CHSY3: variants seen among roughly 807,000 people sequenced by gnomAD.
CHSY3 encodes the protein N-acetylgalactosaminyl-proteoglycan 3-beta-glucuronosyltransferase 3.
CHSY3 carries 35 observed loss-of-function variants against 67.2 expected under a neutral mutation model. The observed-to-expected ratio is 0.52, with a 90% CI of 0.40 to 0.69. The LOEUF is 0.69. Ranked by LOEUF, CHSY3 falls within the 30% of genes least tolerant of loss-of-function variation. The pLI, the probability that CHSY3 is intolerant of heterozygous loss-of-function variation, is 0.00. For missense variants in CHSY3, 1,069 were observed against 1,138.5 expected (o/e 0.94, Z 0.88); for synonymous variants, 474 against 434.7 (o/e 1.09, Z -1.12).
chr5:130,172,325 CTT>C (rs148048268), intron 2 of CHSY3, among the ~76,000 whole-genome samples: 1 of 30,200 alleles, frequency 3.3e-5, no homozygotes. Flanking sequence ...CTTTTCTTTT[CTT>C]TTTTTTTTTT....
intron 2 of CHSY3, among the ~76,000 whole-genome samples, chr5:130,176,907 G>A (rs1770071268): frequency 6.6e-6 from 1 of 152,104 alleles, no homozygotes; most frequent in Non-Finnish European, 1.5e-5. Context: ...GGGTTGATGA[G>A]TGCAGCAAAC....
rs540506898 is a variant in CHSY3 at position 130,001,515 on chromosome 5, G to T, written c.1086+93155G>T. On this transcript the variant is annotated intron_variant, in intron 2 of 2. Transcript: ENST00000305031. ...GGTACCAAGATCTAGTGAAGGGCCT[G>T]GGATGAGAACCAAGATACGCAGGAC... is the stretch of plus-strand genomic sequence containing the variant. 23 of 961,770 alleles carry T rather than the reference G, an allele frequency of 2.4e-5. No homozygotes were observed. The African/African-American group carries it at 4.0e-4, about 17-fold the overall frequency. The allele number at this position is 961,770 out of a possible 1,614,324, so 59.6% of individuals were successfully genotyped here.
At chr5:129,910,858 TA>T (rs940168005) in intron 2 of CHSY3, among the ~76,000 whole-genome samples, 5 of 152,056 alleles carry the variant, frequency 3.3e-5, no homozygotes, top group Non-Finnish European at 5.9e-5. Flanking sequence ...ATCTGCTCAT[TA>T]AAAAAGCTAT....
intron 2 of CHSY3, among the ~76,000 whole-genome samples, chr5:130,091,016 T>C (rs1294244554): frequency 2.0e-5 from 3 of 152,136 alleles, no homozygotes; most frequent in African/African-American, 4.8e-5. Flanking sequence ...ATATTTGGGA[T>C]GTTCTGTTTA....
chr5:129,908,495 T>C (rs1760406295), intron 2 of CHSY3, 135 bp downstream of exon 2: 2 of 1,334,734 alleles, frequency 1.5e-6, no homozygotes, highest in African/African-American at 1.5e-5. Flanking sequence ...CCTTAAGGGA[T>C]ACAAGAGTGG....
At chr5:130,132,402 C>T (rs1768510639) in intron 2 of CHSY3, among the ~76,000 whole-genome samples, 1 of 152,024 alleles carries the variant, frequency 6.6e-6, no homozygotes, top group Non-Finnish European at 1.5e-5. Context: ...TGATCATGGA[C>T]CTCAGAGAGC....
intron 2 of CHSY3, among the ~76,000 whole-genome samples, chr5:130,005,430 C>A (rs1217800290): frequency 2.0e-5 from 3 of 147,732 alleles, no homozygotes; most frequent in Non-Finnish European, 3.0e-5. Flanking sequence ...GACGAAACAA[C>A]AAAAAAAAAA....
intron 2 of CHSY3, among the ~76,000 whole-genome samples, chr5:130,057,235 A>G (rs970461500): frequency 1.3e-5 from 2 of 151,722 alleles, no homozygotes; most frequent in Non-Finnish European, 2.9e-5. Flanking sequence ...TATTTTTAGC[A>G]TTTCTTTTTT....
chr5:129,923,192 G>A (rs940561826), intron 2 of CHSY3, among the ~76,000 whole-genome samples: 1 of 147,876 alleles, frequency 6.8e-6, no homozygotes, highest in African/African-American at 2.5e-5. Context: ...GATTAGAGAT[G>A]TAGGAGTGGG....
intron 2 of CHSY3, chr5:130,002,161 T>G: frequency 7.6e-6 from 5 of 658,912 alleles, no homozygotes; most frequent in Non-Finnish European, 9.4e-6. Flanking sequence ...GTTTCCACCT[T>G]GTATGCCATA....
intron 1 of CHSY3, among the ~76,000 whole-genome samples, chr5:129,907,349 C>T (rs1007073041): frequency 2.0e-5 from 3 of 152,098 alleles, no homozygotes; most frequent in Non-Finnish European, 4.4e-5. Context: ...AGATGCTGTG[C>T]TCATCAAAAA....
intron 2 of CHSY3, chr5:130,140,692 C>T: frequency 3.2e-6 from 1 of 315,748 alleles, no homozygotes; most frequent in Non-Finnish European, 5.7e-6. Context: ...CAGCCATAGC[C>T]ACCCACTTGG....
At chr5:130,143,845 T>G (rs992324879) in intron 2 of CHSY3, among the ~76,000 whole-genome samples, 9 of 134,476 alleles carry the variant, frequency 6.7e-5, no homozygotes, top group South Asian at 2.3e-4. Flanking sequence ...TATATATATA[T>G]ATGCCAATTC....
rs1459520330 is a variant in CHSY3 at position 130,158,324 on chromosome 5, C to A, written c.1087-25905C>A. Among the ~76,000 whole-genome samples, 3 of 152,124 alleles carry A rather than the reference C, an allele frequency of 2.0e-5. No homozygotes were observed. In the East Asian group the frequency reaches 5.8e-4, roughly 29 times the overall value. ...GAGTGGCAGGAGCATGCCTTTGAAG[C>A]CAGACATGCCAGAGTTTGAATTTCA... is the stretch of plus-strand genomic sequence containing the variant. On this transcript the variant is annotated intron_variant, in intron 2 of 2. Coordinates refer to ENST00000305031, the MANE Select transcript of CHSY3 (RefSeq NM_175856.5).
chr5:129,913,036 T>C (rs1467690744), intron 2 of CHSY3, among the ~76,000 whole-genome samples: 1 of 152,242 alleles, frequency 6.6e-6, no homozygotes, highest in African/African-American at 2.4e-5. Context: ...ATCACACTTT[T>C]GGTTGAGCTC....
chr5:130,117,099 A>T (rs896807124), intron 2 of CHSY3, among the ~76,000 whole-genome samples: 3 of 152,126 alleles, frequency 2.0e-5, no homozygotes, highest in Non-Finnish European at 4.4e-5. Context: ...GCCATGGAGA[A>T]CACAGAGACT....
chr5:130,142,690 T>C (rs954034032), intron 2 of CHSY3, among the ~76,000 whole-genome samples: 1 of 152,202 alleles, frequency 6.6e-6, no homozygotes, highest in African/African-American at 2.4e-5. Flanking sequence ...AGACAGTTTC[T>C]GTTATTAAAT....
intron 2 of CHSY3, among the ~76,000 whole-genome samples, chr5:130,112,569 A>C (rs1420712671): frequency 6.6e-6 from 1 of 152,012 alleles, no homozygotes; most frequent in Non-Finnish European, 1.5e-5. Context: ...GTCCAGCTAC[A>C]CTCCCCTATA....
At chr5:130,168,223 C>T (rs1441908805) in intron 2 of CHSY3, among the ~76,000 whole-genome samples, 3 of 152,100 alleles carry the variant, frequency 2.0e-5, no homozygotes, top group African/African-American at 7.2e-5. Context: ...CTGTCATTCT[C>T]ATTTACTGTG....
Sources: gnomAD v4.1 joint callset for allele counts (sites outside exome capture counted in the v4.1 genomes callset) on GRCh38, gnomAD v4.1.1 for gene constraint, MANE v1.5 for transcripts, NCBI Gene and HGNC (gene_info 2026-07-23, HGNC 2026-07-21) for gene names.